ATP6V0A4: variants seen among roughly 807,000 people sequenced by gnomAD.
ATP6V0A4 encodes the protein V-type proton ATPase 116 kDa subunit a 4.
In ATP6V0A4, 86 loss-of-function variants were observed where a neutral mutation model predicts 107.3. The observed-to-expected ratio is 0.80, with a 90% CI of 0.67 to 0.96. The LOEUF is 0.96. Among genes scored for constraint, ATP6V0A4 ranks in the 40% least tolerant of loss-of-function variants. The probability of loss-of-function intolerance (pLI) is 0.00; values close to 1 mark genes in which losing one functional copy is unlikely to be tolerated. For synonymous variants in ATP6V0A4, 353 were observed against 381.4 expected (o/e 0.93, Z 0.87); for missense variants, 908 against 1,045.6 (o/e 0.87, Z 1.81).
chr7:138,708,881 C>G (rs1803585180), intron 21 of ATP6V0A4, among the ~76,000 whole-genome samples: 1 of 152,082 alleles, frequency 6.6e-6, no homozygotes, highest in Non-Finnish European at 1.5e-5. Flanking sequence ...TGAGACCAGC[C>G]TGGCCAACAT....
Position 138,773,509 on chromosome 7 carries a change from C to A in ATP6V0A4, c.-17-2245G>T, listed in dbSNP as rs139420488. ...TCGCTTGTTTAACTGCCTGGATTCC[C>A]CACACACAAACCAGTGAAGTCCACG... is the stretch of plus-strand genomic sequence containing the variant. On this transcript the variant is annotated intron_variant, in intron 2 of 21. Coordinates refer to ENST00000310018, the MANE Select transcript of ATP6V0A4 (RefSeq NM_020632.3). This position sits in a 1 kb window ranked among gnomAD's most constrained non-coding sequence, Gnocchi z 5.4. Among the ~76,000 whole-genome samples the A allele has an allele frequency of 6.6e-6, 1 of 152,286 alleles. No individual in the cohort carries two copies. Among genetic ancestry groups the A allele is most frequent in the East Asian group, 1.9e-4 (1 of 5,180 alleles).
chr7:138,776,697 G>A (rs927356621), intron 2 of ATP6V0A4, among the ~76,000 whole-genome samples: 2 of 152,180 alleles, frequency 1.3e-5, no homozygotes, highest in African/African-American at 2.4e-5. Context: ...GTGGAGAAAA[G>A]AGTACACGTA....
chr7:138,739,485 G>A, intron 15 of ATP6V0A4, 55 bp downstream of exon 15: 1 of 1,592,856 alleles, frequency 6.3e-7, no homozygotes, highest in Non-Finnish European at 8.6e-7. Context: ...TCTCTCCAGA[G>A]GTCTCCTCAA....
chr7:138,765,853 C>A (rs62485358), intron 5 of ATP6V0A4, among the ~76,000 whole-genome samples: 16,689 of 152,066 alleles, frequency 0.11, 1,142 homozygotes, highest in East Asian at 0.36. Flanking sequence ...TTCTGGTAGC[C>A]ACTCTCCTGC....
In ATP6V0A4 at chr7:138,734,269, G is replaced by T; in HGVS notation, c.1573-15C>A. On this transcript the variant is annotated splice_polypyrimidine_tract_variant and intron_variant, in intron 15 of 21. Coordinates refer to ENST00000310018, the MANE Select transcript of ATP6V0A4 (RefSeq NM_020632.3). ...AAGTTCCAAATCTGGATGGGAAATG[G>T]GACAAAAAACCAAGTGAGAGAGAGT... is the stretch of plus-strand genomic sequence containing the variant. The T allele has an allele frequency of 6.2e-7, 1 of 1,612,470 alleles. No individual in the cohort carries two copies. Among genetic ancestry groups the T allele is most frequent in the South Asian group, 1.1e-5 (1 of 90,994 alleles).
Position 138,798,048 on chromosome 7 carries a change from C to G in ATP6V0A4, c.-135G>C. The G allele has an allele frequency of 6.4e-7, 1 of 1,558,638 alleles. No homozygotes were observed. The highest frequency in any genetic ancestry group is 8.7e-7 in the Non-Finnish European group (1 of 1,151,342). On this transcript the variant is annotated 5_prime_UTR_variant, in exon 1 of 22. Transcript: ENST00000310018. ...AGTCGACTCACCTGCAGCAGGCACT[C>G]GGCACAACTCCGCAGGACCGGCTCA... is the stretch of plus-strand genomic sequence containing the variant.
At chr7:138,718,132 G>C (rs1352166250) in intron 19 of ATP6V0A4, among the ~76,000 whole-genome samples, 8 of 42,274 alleles carry the variant, frequency 1.9e-4, no homozygotes, top group Non-Finnish European at 2.7e-4. Context: ...TCTGCAGAGG[G>C]AGACGTCCAG....
chr7:138,723,155 G>A (rs186014386), intron 18 of ATP6V0A4, among the ~76,000 whole-genome samples: 4 of 152,056 alleles, frequency 2.6e-5, no homozygotes, highest in African/African-American at 9.7e-5. Context: ...CCTGACTCCA[G>A]TGCATGTGCT....
intron 19 of ATP6V0A4, 22 bp from the exon 20 acceptor site, chr7:138,715,903 T>C: frequency 6.2e-7 from 1 of 1,610,834 alleles, no homozygotes; most frequent in Non-Finnish European, 8.5e-7. Context: ...AATTGTTTAT[T>C]TTACTTCATT....
intron 19 of ATP6V0A4, among the ~76,000 whole-genome samples, chr7:138,717,159 A>G (rs923440009): frequency 6.6e-6 from 1 of 152,314 alleles, no homozygotes; most frequent in South Asian, 2.1e-4. Context: ...CACTCTGCAC[A>G]TGGGAGCTCA....
At chr7:138,733,467 T>C (rs1805135355) in intron 16 of ATP6V0A4, among the ~76,000 whole-genome samples, 1 of 147,130 alleles carries the variant, frequency 6.8e-6, no homozygotes, top group Non-Finnish European at 1.5e-5. Context: ...ACCTGGAAGC[T>C]TTTTCCTAAG....
chr7:138,719,949 T>A (rs1490078165), intron 19 of ATP6V0A4, among the ~76,000 whole-genome samples: 1 of 151,238 alleles, frequency 6.6e-6, no homozygotes, highest in Non-Finnish European at 1.5e-5. Context: ...TGCTTGAACC[T>A]GGGAGGCAAA....
At chr7:138,719,070 C>T (rs1338688331) in intron 19 of ATP6V0A4, among the ~76,000 whole-genome samples, 4 of 152,040 alleles carry the variant, frequency 2.6e-5, no homozygotes, top group Admixed American at 2.6e-4. Flanking sequence ...CCTGCGGTCC[C>T]AGCTACTCGG....
chr7:138,780,277 G>C (rs924045296), intron 2 of ATP6V0A4, among the ~76,000 whole-genome samples: 1 of 152,162 alleles, frequency 6.6e-6, no homozygotes, highest in Non-Finnish European at 1.5e-5. Context: ...AGATCACCAG[G>C]CATCAGATTT....
intron 2 of ATP6V0A4, among the ~76,000 whole-genome samples, chr7:138,784,218 A>ATATATATATATATATACG (rs1808042429): frequency 1.1e-5 from 1 of 87,452 alleles, no homozygotes; most frequent in Non-Finnish European, 2.0e-5. Context: ...TAAACATTAT[A>ATATATATATATATATACG]TATATATATA....
intron 14 of ATP6V0A4, among the ~76,000 whole-genome samples, chr7:138,741,558 A>G (rs1238142156): frequency 6.6e-6 from 1 of 152,214 alleles, no homozygotes; most frequent in African/African-American, 2.4e-5. Flanking sequence ...GGCGACTATG[A>G]TAGAGTGAGA....
intron 19 of ATP6V0A4, among the ~76,000 whole-genome samples, chr7:138,719,980 G>C (rs967709025): frequency 1.5e-4 from 23 of 151,390 alleles, no homozygotes; most frequent in Admixed American, 1.1e-3. Context: ...AGCTGAGATC[G>C]CACCATTGCA....
chr7:138,743,252 G>C (rs1805727403), intron 14 of ATP6V0A4, among the ~76,000 whole-genome samples: 1 of 152,054 alleles, frequency 6.6e-6, no homozygotes, highest in African/African-American at 2.4e-5. Flanking sequence ...CAGGCCAGGA[G>C]TTTGAGACCA....
At chr7:138,778,728 C>T (rs889958792) in intron 2 of ATP6V0A4, among the ~76,000 whole-genome samples, 1 of 152,086 alleles carries the variant, frequency 6.6e-6, no homozygotes, top group Non-Finnish European at 1.5e-5. Flanking sequence ...CCATTGCCAG[C>T]AAAGCCCAAG....
Sources: gnomAD v4.1 joint callset for allele counts (sites outside exome capture counted in the v4.1 genomes callset) on GRCh38, gnomAD v4.1.1 for gene constraint, Gnocchi (gnomAD v3.1) non-coding constraint, MANE v1.5 for transcripts, NCBI Gene and HGNC (gene_info 2026-07-23, HGNC 2026-07-21) for gene names.